DCC: variants seen among roughly 807,000 people sequenced by gnomAD.
DCC encodes the protein DCC netrin 1 receptor.
Under a neutral mutation model 172.5 loss-of-function variants are expected in DCC, and 58 were observed. The ratio of observed to expected loss-of-function variants is 0.34; its 90% CI spans 0.27 to 0.42. The LOEUF (loss-of-function observed/expected upper bound fraction) is 0.42. DCC is among the 10% of genes least tolerant of loss of function. The probability of loss-of-function intolerance (pLI) is 1.00; values close to 1 mark genes in which losing one functional copy is unlikely to be tolerated. For missense variants in DCC, 1,740 were observed against 1,791.0 expected, an observed-to-expected ratio of 0.97 and a Z score of 0.51; for synonymous variants, 709 against 644.5, an observed-to-expected ratio of 1.10 and a Z score of -1.52.
At chr18:53,275,936 C>T (rs960996949) in intron 12 of DCC, among the ~76,000 whole-genome samples, 1 of 151,782 alleles carries the variant, frequency 6.6e-6, no homozygotes, top group Non-Finnish European at 1.5e-5. Flanking sequence ...TATTTTCAGG[C>T]CATTAGTAAA....
intron 15 of DCC, among the ~76,000 whole-genome samples, chr18:53,379,240 G>A (rs941177189): frequency 1.3e-5 from 2 of 152,234 alleles, no homozygotes; most frequent in South Asian, 4.1e-4. Context: ...TGACTTGTTG[G>A]CAGTGCTAAC....
At position 53,464,628 on chromosome 18, in the gene DCC, A is replaced by T. The variant is rs138226977; in HGVS notation, c.3620-3266A>T. 2.3e-4 allele frequency among the ~76,000 whole-genome samples: 33 copies of T among 145,072 alleles called. No individual in the cohort carries two copies. In the East Asian group the frequency reaches 2.7e-3, roughly 12 times the overall value. On this transcript the variant is annotated intron_variant, in intron 24 of 28. Coordinates refer to ENST00000442544, the MANE Select transcript of DCC (RefSeq NM_005215.4). ...ATCAAGCACAGTCTATTTTTAGAATAAAAAAAAAAACTGAAAACCCACACA... is the reference window on the plus strand; with the variant it reads ...ATCAAGCACAGTCTATTTTTAGAATTAAAAAAAAAACTGAAAACCCACACA...
chr18:53,215,398 C>A, intron 11 of DCC, 150 bp from the exon 12 acceptor site: 1 of 709,720 alleles, frequency 1.4e-6, no homozygotes. Flanking sequence ...TTCATCTCTC[C>A]AAAAATTTTT....
chr18:52,571,556 C>G (rs932482607), intron 1 of DCC, among the ~76,000 whole-genome samples: 3 of 152,172 alleles, frequency 2.0e-5, no homozygotes, highest in Non-Finnish European at 2.9e-5. Context: ...AACACTGCAG[C>G]CTTCAATGGG....
intron 7 of DCC, among the ~76,000 whole-genome samples, chr18:53,080,069 C>G (rs1417205867): frequency 1.1e-4 from 17 of 152,036 alleles, no homozygotes; most frequent in Non-Finnish European, 1.5e-5. Flanking sequence ...GAAAGAGGGA[C>G]TAGAAATATT....
intron 9 of DCC, among the ~76,000 whole-genome samples, chr18:53,183,030 T>C (rs1479756889): frequency 2.0e-5 from 3 of 152,180 alleles, no homozygotes; most frequent in Non-Finnish European, 4.4e-5. Context: ...TGGTTGCTGC[T>C]TTTATCAATG....
intron 2 of DCC, among the ~76,000 whole-genome samples, chr18:52,792,642 T>G (rs1452319825): frequency 6.6e-6 from 1 of 152,212 alleles, no homozygotes; most frequent in African/African-American, 2.4e-5. Context: ...AGGTGTGACA[T>G]CCGAGTCTTT....
intron 5 of DCC, among the ~76,000 whole-genome samples, chr18:53,058,343 A>C (rs949768498): frequency 6.6e-6 from 1 of 152,136 alleles, no homozygotes; most frequent in Admixed American, 6.6e-5. Context: ...ATAAAGTTAC[A>C]AGCTTGGTCT....
At chr18:52,943,563 A>T (rs2040495766) in intron 5 of DCC, among the ~76,000 whole-genome samples, 1 of 152,158 alleles carries the variant, frequency 6.6e-6, no homozygotes, top group Non-Finnish European at 1.5e-5. Flanking sequence ...GCATGAAAGC[A>T]CTTTCTGCAT....
At chr18:52,418,673 C>A (rs1018121767) in intron 1 of DCC, among the ~76,000 whole-genome samples, 3 of 152,022 alleles carry the variant, frequency 2.0e-5, no homozygotes, top group East Asian at 1.9e-4. Context: ...ACAGGTGCAA[C>A]CTCTCCCCCA....
chr18:53,177,340 GA>G (rs1047265087), intron 8 of DCC, among the ~76,000 whole-genome samples: 1 of 151,862 alleles, frequency 6.6e-6, no homozygotes, highest in Non-Finnish European at 1.5e-5. Flanking sequence ...TAAAAAAAAA[GA>G]AAAAAATTAT....
rs528419890 is a variant in DCC at position 53,210,875 on chromosome 18, G to A, written c.1861+3058G>A. 3.3e-5 allele frequency among the ~76,000 whole-genome samples: 5 copies of A among 151,408 alleles called. No individual in the cohort carries two copies. The East Asian group carries it at 5.8e-4, about 18-fold the overall frequency. ...TGAGCTGTCATCTCTAATTTAGCTC[G>A]GCTTTATTTTCTGAGTAGAAACCTT... On this transcript the variant is annotated intron_variant, in intron 11 of 28. Transcript: ENST00000442544.
At chr18:53,446,235 A>T (rs947641226) in intron 22 of DCC, among the ~76,000 whole-genome samples, 10 of 151,996 alleles carry the variant, frequency 6.6e-5, no homozygotes, top group African/African-American at 2.2e-4. Flanking sequence ...ACAGTGAGCT[A>T]TGATTGTGCC....
chr18:52,411,255 G>A (rs551851467), intron 1 of DCC, among the ~76,000 whole-genome samples: 1 of 152,162 alleles, frequency 6.6e-6, no homozygotes, highest in African/African-American at 2.4e-5. Flanking sequence ...TTCTCTCCCT[G>A]CCTTCACACT....
chr18:52,554,753 A>T (rs1207400396), intron 1 of DCC, among the ~76,000 whole-genome samples: 1 of 152,122 alleles, frequency 6.6e-6, no homozygotes, highest in African/African-American at 2.4e-5. Flanking sequence ...CAGACCAATT[A>T]AAGTAAATTC....
intron 9 of DCC, among the ~76,000 whole-genome samples, chr18:53,190,285 A>G (rs956479952): frequency 6.6e-6 from 1 of 152,200 alleles, no homozygotes; most frequent in Admixed American, 6.5e-5. Flanking sequence ...TCACCTTAAA[A>G]TCTTTCAACT....
chr18:52,870,926 C>G (rs891557163), intron 2 of DCC, among the ~76,000 whole-genome samples: 5 of 152,126 alleles, frequency 3.3e-5, no homozygotes, highest in Non-Finnish European at 7.4e-5. Flanking sequence ...GCCACGGTCT[C>G]AGTGAGTTGA....
At chr18:52,743,489 T>C (rs9954368) in intron 1 of DCC, among the ~76,000 whole-genome samples, 4,219 of 152,284 alleles carry the variant, frequency 0.028, 193 homozygotes, top group African/African-American at 0.096. Flanking sequence ...ATTTTCCTGG[T>C]ATCACACAGC....
chr18:52,765,515 A>G (rs1288749790), intron 2 of DCC, among the ~76,000 whole-genome samples: 1 of 151,978 alleles, frequency 6.6e-6, no homozygotes, highest in Non-Finnish European at 1.5e-5. Flanking sequence ...CTTGCAACCC[A>G]CCTTCAGGAA....
Sources: allele counts gnomAD v4.1 joint callset (sites outside exome capture counted in the v4.1 genomes callset), GRCh38; gene constraint gnomAD v4.1.1; transcripts MANE v1.5; gene names NCBI Gene and HGNC (gene_info 2026-07-23, HGNC 2026-07-21).